Variants in PCNX1 observed in about 807,000 individuals in gnomAD.
PCNX1 encodes the protein pecanex 1.
In PCNX1, 78 loss-of-function variants were observed where a neutral mutation model predicts 242.2. The ratio of observed to expected loss-of-function variants is 0.32; its 90% confidence interval spans 0.27 to 0.39. The LOEUF (loss-of-function observed/expected upper bound fraction) is 0.39. Among genes scored for constraint, PCNX1 ranks in the 10% least tolerant of loss-of-function variants. The pLI, the probability that PCNX1 is intolerant of heterozygous loss-of-function variation, is 1.00. For missense variants in PCNX1, 2,581 were observed against 2,856.5 expected, an observed-to-expected ratio of 0.90 and a Z score of 2.20; for synonymous variants, 1,024 against 1,032.9, an observed-to-expected ratio of 0.99 and a Z score of 0.17.
intron 30 of PCNX1, among the ~76,000 whole-genome samples, chr14:71,090,196 A>G (rs1369285570): frequency 1.3e-5 from 1 of 75,636 alleles, no homozygotes; most frequent in Non-Finnish European, 2.8e-5. Context: ...TAAATATCTT[A>G]GTAGGGTAAT....
chr14:70,946,789 TTAGCGCTAGTAACA>T, intron 1 of PCNX1, 112 bp from the exon 2 acceptor site: 1 of 717,224 alleles, frequency 1.4e-6, no homozygotes, highest in Non-Finnish European at 2.3e-6. Flanking sequence ...GTTTTGCAGC[TTAGCGCTAGTAACA>T]TAGTTGTTGC....
chr14:70,932,573 GTTTTTA>G (rs1298401624), intron 1 of PCNX1, among the ~76,000 whole-genome samples: 1 of 151,416 alleles, frequency 6.6e-6, no homozygotes, highest in African/African-American at 2.4e-5. Context: ...GTCTATTGAA[GTTTTTA>G]TTTTTATTTA....
chr14:71,109,944 T>A lies in PCNX1; in HGVS notation c.*9T>A. 6.2e-7 allele frequency: 1 copy of A among 1,612,096 alleles called. No homozygotes were observed. The highest frequency in any genetic ancestry group is 1.1e-5 in the South Asian group (1 of 91,038). ...TTGGGGCTGAAGTGTGAGCCAGTGT[T>A]TATTATAAAGACATTTCTTTTTCCC... On this transcript the variant is annotated 3_prime_UTR_variant, in exon 36 of 36. Coordinates refer to ENST00000304743, the MANE Select transcript of PCNX1 (RefSeq NM_014982.3).
At chr14:70,972,660 A>T (rs762546658) in intron 5 of PCNX1, among the ~76,000 whole-genome samples, 1 of 152,200 alleles carries the variant, frequency 6.6e-6, no homozygotes, top group Non-Finnish European at 1.5e-5. Context: ...CCAAGCCTTT[A>T]GTTGGTTAAC....
chr14:70,924,358 C>T lies in PCNX1; in HGVS notation c.153+16355C>T, dbSNP rs555950942. ...TCTCAAAGATAGTGCAGAGAGATCC[C>T]GTATACACTGCATCCGGTTTCTCCT... On this transcript the variant is annotated intron_variant, in intron 1 of 35. Transcript: ENST00000304743. Among the ~76,000 whole-genome samples the T allele has an allele frequency of 2.5e-4, 38 of 152,112 alleles. No homozygotes were observed. In the Middle Eastern group the frequency reaches 0.017, roughly 68 times the overall value.
chr14:71,045,331 C>T (rs1290970364), intron 20 of PCNX1, 48 bp downstream of exon 20: 2 of 1,343,674 alleles, frequency 1.5e-6, no homozygotes, highest in South Asian at 1.3e-5. Flanking sequence ...TGAGTTTTTC[C>T]CTTTGCTATA....
At chr14:71,049,847 A>G (rs756155408) in intron 22 of PCNX1, among the ~76,000 whole-genome samples, 1 of 152,200 alleles carries the variant, frequency 6.6e-6, no homozygotes, top group African/African-American at 2.4e-5. Context: ...TGCAGAGGCA[A>G]TCTTGGACAA....
chr14:70,982,831 C>T (rs1290733365), intron 6 of PCNX1, among the ~76,000 whole-genome samples: 1 of 152,152 alleles, frequency 6.6e-6, no homozygotes, highest in East Asian at 1.9e-4. Flanking sequence ...TTTCATACCA[C>T]CTCTAATTAC....
rs751640600 is a variant in PCNX1 at position 71,009,743 on chromosome 14, T to C, written c.2720+19T>C. The stretch of plus-strand genomic sequence containing the variant: ...ATATCTGGTATGTGTGAAGTCATAT[T>C]AGGAGTGTGTGTACTTTCATATGTT... On this transcript the variant is annotated intron_variant, in intron 9 of 35. Transcript: ENST00000304743. 6 of 1,401,182 alleles carry C rather than the reference T, an allele frequency of 4.3e-6. No individual in the cohort carries two copies. The highest frequency in any genetic ancestry group is 1.4e-5 in the African/African-American group (1 of 71,124). 86.8% of individuals were successfully genotyped at this position (1,401,182 alleles called of 1,614,324 possible). A position where few individuals can be genotyped will look rare whatever the true frequency, so the allele number is the denominator to read the frequency against.
Position 70,907,764 on chromosome 14 carries a change from C to T in PCNX1, c.-87C>T. The T allele has an allele frequency of 8.4e-7, 1 of 1,185,516 alleles. No homozygotes were observed. Among genetic ancestry groups the T allele is most frequent in the Non-Finnish European group, 1.0e-6 (1 of 958,954 alleles). 73.4% of individuals were successfully genotyped at this position (1,185,516 alleles called of 1,614,324 possible). A position where few individuals can be genotyped will look rare whatever the true frequency, so the allele number is the denominator to read the frequency against. On this transcript the variant is annotated 5_prime_UTR_variant, in exon 1 of 36. Coordinates refer to ENST00000304743, the MANE Select transcript of PCNX1 (RefSeq NM_014982.3). Reference sequence around the variant, plus strand: ...CTCCGGAGGTGGATAGACGGGGCAGCTGCAGGCTCCGGCGACCGAGGCCGA... The same window carrying T: ...CTCCGGAGGTGGATAGACGGGGCAGTTGCAGGCTCCGGCGACCGAGGCCGA...
Position 71,045,763 on chromosome 14 carries a change from A to G in PCNX1, c.4018+480A>G, listed in dbSNP as rs1194976958. ...CAGAGAAAAGTGTAAAAGAGTTGAC[A>G]AAGTAAAAAGAAATTAAAAACATTT... On this transcript the variant is annotated intron_variant, in intron 20 of 35. Transcript: ENST00000304743. Among the ~76,000 whole-genome samples, 3 of 152,200 alleles carry G rather than the reference A, an allele frequency of 2.0e-5. No individual in the cohort carries two copies. In the East Asian group the frequency reaches 5.8e-4, roughly 29 times the overall value.
Position 70,994,426 on chromosome 14 carries a change from T to TATATAG in PCNX1, c.2445-1311_2445-1310insAGATAT, listed in dbSNP as rs1387360991. ...ATATATATATATATATATATATATATATATGTATGTATGTATGTTTCAACA... is the reference window on the plus strand; with the variant it reads ...ATATATATATATATATATATATATATATATAGATATGTATGTATGTATGTTTCAACA... On this transcript the variant is annotated intron_variant, in intron 7 of 35. Transcript: ENST00000304743. Among the ~76,000 whole-genome samples, 37 of 114,982 alleles carry TATATAG rather than the reference T, an allele frequency of 3.2e-4. 1 individual carries two copies. Among genetic ancestry groups the TATATAG allele is most frequent in the Admixed American group, 1.2e-3 (12 of 10,334 alleles). The allele number at this position is 114,982 out of a possible 152,430, so 75.4% of individuals were successfully genotyped here.
intron 1 of PCNX1, among the ~76,000 whole-genome samples, chr14:70,941,728 G>GCATTCT (rs1309232313): frequency 1.3e-5 from 2 of 152,230 alleles, no homozygotes; most frequent in African/African-American, 4.8e-5. Flanking sequence ...TGCCCCCAGA[G>GCATTCT]GTGGATTCTA....
intron 15 of PCNX1, among the ~76,000 whole-genome samples, chr14:71,028,002 G>C (rs1295474485): frequency 6.6e-6 from 1 of 151,736 alleles, no homozygotes; most frequent in African/African-American, 2.4e-5. Flanking sequence ...TATTTCTGTA[G>C]ATTTCTTTTA....
At chr14:70,959,332 A>T (rs1208597743) in intron 2 of PCNX1, among the ~76,000 whole-genome samples, 3 of 145,844 alleles carry the variant, frequency 2.1e-5, no homozygotes, top group Non-Finnish European at 3.0e-5. Context: ...GCACCCATTA[A>T]CTCGTCATTT....
rs139050597 is a variant in PCNX1 at position 71,067,818 on chromosome 14, T to C, written c.4853-5727T>C. Among the ~76,000 whole-genome samples, 738 of 152,236 alleles carry C rather than the reference T, an allele frequency of 4.8e-3. 8 individuals are homozygous for C. Among genetic ancestry groups the C allele is most frequent in the African/African-American group, 0.017 (705 of 41,536 alleles). ...CTGGTACGTTGTGTCTTTGTTCTTA[T>C]TGGTTTCAAAGCACTTATATATTTC... On this transcript the variant is annotated intron_variant, in intron 26 of 35. Coordinates refer to ENST00000304743, the MANE Select transcript of PCNX1 (RefSeq NM_014982.3).
intron 30 of PCNX1, among the ~76,000 whole-genome samples, chr14:71,096,779 T>C (rs2062296663): frequency 6.6e-6 from 1 of 152,152 alleles, no homozygotes; most frequent in Non-Finnish European, 1.5e-5. Context: ...AAGATTCTTG[T>C]GAATTAATCA....
chr14:71,003,079 TC>T (rs1312142594), intron 8 of PCNX1, among the ~76,000 whole-genome samples: 4 of 127,800 alleles, frequency 3.1e-5, no homozygotes, highest in East Asian at 2.4e-4. Flanking sequence ...TTGGTTGTCT[TC>T]TTTTTTTTTT....
chr14:70,962,166 G>A (rs1331862104), intron 2 of PCNX1, 60 bp from the exon 3 acceptor site: 14 of 1,008,958 alleles, frequency 1.4e-5, no homozygotes, highest in Non-Finnish European at 2.2e-5. Flanking sequence ...AATTAACAAA[G>A]GAAAAGCATT....
Sources: allele counts gnomAD v4.1 joint callset (sites outside exome capture counted in the v4.1 genomes callset), GRCh38; gene constraint gnomAD v4.1.1; transcripts MANE v1.5; gene names NCBI Gene and HGNC (gene_info 2026-07-23, HGNC 2026-07-21).